The following DYRK3 variants were observed in gnomAD, a reference collection of about 807,000 sequenced individuals.
DYRK3 encodes the protein dual specificity tyrosine-phosphorylation-regulated kinase 3.
In DYRK3, 30 loss-of-function variants were observed where a neutral mutation model predicts 40.8. The observed-to-expected ratio is 0.74, with a 90% CI of 0.55 to 1.00. The LOEUF (loss-of-function observed/expected upper bound fraction) is 1.00. Among genes scored for constraint, DYRK3 ranks in the 50% least tolerant of loss-of-function variants. DYRK3 has a pLI of 0.00. For missense variants in DYRK3, 699 were observed against 731.5 expected, an observed-to-expected ratio of 0.96 and a Z score of 0.51; for synonymous variants, 272 against 260.7, an observed-to-expected ratio of 1.04 and a Z score of -0.42.
rs868941561 is a variant in DYRK3, at chr1:206,640,271, T to A, written c.189+2510T>A. 2.6e-5 allele frequency among the ~76,000 whole-genome samples: 4 copies of A among 152,126 alleles called. No individual in the cohort carries two copies. In the South Asian group the frequency reaches 8.3e-4, roughly 31 times the overall value. ...ATTTTGCTGAAAAAGAAAATAAAAATAAAAAATGCCTTTTGACCTCTTGGT... is the reference window on the plus strand; with the variant it reads ...ATTTTGCTGAAAAAGAAAATAAAAAAAAAAAATGCCTTTTGACCTCTTGGT... On this transcript the variant is annotated intron_variant, in intron 2 of 2. Transcript: ENST00000367109.
intron 2 of DYRK3, among the ~76,000 whole-genome samples, chr1:206,642,870 C>T (rs1446741653): frequency 6.6e-6 from 1 of 151,856 alleles, no homozygotes; most frequent in Non-Finnish European, 1.5e-5. Flanking sequence ...CACATGTATA[C>T]ATATGTAACA....
At position 206,647,427 on chromosome 1, in the gene DYRK3, T is replaced by C; in HGVS notation, c.229T>C (p.Phe77Leu). ...EQFTGDHTQH[F>L]LDGGEMKVEQ... is the part of the protein sequence containing the mutation. ...GTTTACAGGAGATCATACTCAGCAC[T>C]TTTTGGATGGAGGTGAGATGAAGGT... The change falls in exon 3 of 3, where the codon TTT (phenylalanine) becomes CTT (leucine). Residue 77 changes from phenylalanine (F) to leucine (L), a missense_variant. Coordinates refer to ENST00000367109, the MANE Select transcript of DYRK3 (RefSeq NM_003582.4). 6.2e-7 allele frequency: 1 copy of C among 1,613,780 alleles called. No homozygotes were observed. Among genetic ancestry groups the C allele is most frequent in the Non-Finnish European group, 8.5e-7 (1 of 1,179,810 alleles).
At position 206,645,638 on chromosome 1, in the gene DYRK3, C is replaced by G. The variant is rs1671429787; in HGVS notation, c.190-1750C>G. ...AAGCGATTCTCCTGCCTCAGCCTCC[C>G]AAGTAGCTGGGATTACAGGCATGCA... On this transcript the variant is annotated intron_variant, in intron 2 of 2. Coordinates refer to ENST00000367109, the MANE Select transcript of DYRK3 (RefSeq NM_003582.4). 2.0e-5 allele frequency among the ~76,000 whole-genome samples: 3 copies of G among 151,752 alleles called. No homozygotes were observed. The South Asian group carries it at 6.2e-4, about 32-fold the overall frequency.
chr1:206,643,987 C>T (rs1447871922), intron 2 of DYRK3, among the ~76,000 whole-genome samples: 1 of 142,094 alleles, frequency 7.0e-6, no homozygotes, highest in Middle Eastern at 3.4e-3. Flanking sequence ...CCACATCTTA[C>T]AGATAAAGAA....
chr1:206,639,467 T>G (rs1671216075), intron 2 of DYRK3, among the ~76,000 whole-genome samples: 1 of 140,286 alleles, frequency 7.1e-6, no homozygotes, highest in Non-Finnish European at 1.5e-5. Flanking sequence ...TTTAACTGAT[T>G]TTTTTTTTTT....
rs567478333 is a variant in DYRK3, at chr1:206,649,699, C to T, written c.*734C>T. ...TCCCTCCTCCTTTCCTCTCCCATGC[C>T]CAAGGAAGATAAAACAGCTTCTCTG... On this transcript the variant is annotated 3_prime_UTR_variant, in exon 3 of 3. Coordinates refer to ENST00000367109, the MANE Select transcript of DYRK3 (RefSeq NM_003582.4). Among the ~76,000 whole-genome samples, 1 of 152,276 alleles carries T rather than the reference C, an allele frequency of 6.6e-6. No individual in the cohort carries two copies. The highest frequency in any genetic ancestry group is 2.4e-5 in the African/African-American group (1 of 41,556).
At chr1:206,635,949 C>G in intron 1 of DYRK3, 169 bp downstream of exon 1, 1 of 1,322,244 alleles carries the variant, frequency 7.6e-7, no homozygotes, top group Middle Eastern at 2.3e-4. Context: ...TATCAGGGCC[C>G]CCTCCCCCCA....
chr1:206,649,984 A>G lies in DYRK3; in HGVS notation c.*1019A>G, dbSNP rs1227254328. Among the ~76,000 whole-genome samples, 1 of 152,228 alleles carries G rather than the reference A, an allele frequency of 6.6e-6. No homozygotes were observed. The highest frequency in any genetic ancestry group is 1.5e-5 in the Non-Finnish European group (1 of 68,036). On this transcript the variant is annotated 3_prime_UTR_variant, in exon 3 of 3. Coordinates refer to ENST00000367109, the MANE Select transcript of DYRK3 (RefSeq NM_003582.4). ...TAATGCTATTCCCTAGATCTGAGTGAACTTCAGTTAGAAGAAGAAAACTAA... is the reference window on the plus strand; with the variant it reads ...TAATGCTATTCCCTAGATCTGAGTGGACTTCAGTTAGAAGAAGAAAACTAA...
Position 206,651,049 on chromosome 1 carries a change from A to G in DYRK3, c.*2084A>G, listed in dbSNP as rs1553421235. On this transcript the variant is annotated 3_prime_UTR_variant, in exon 3 of 3. Transcript: ENST00000367109. ...TGCTGAATTTTCTTTCTTTTTTTCTAAGTCTGCATCCTATCTCTTGATTCC... is the reference window on the plus strand; with the variant it reads ...TGCTGAATTTTCTTTCTTTTTTTCTGAGTCTGCATCCTATCTCTTGATTCC... Among the ~76,000 whole-genome samples, 3 of 152,242 alleles carry G rather than the reference A, an allele frequency of 2.0e-5. No homozygotes were observed. Among genetic ancestry groups the G allele is most frequent in the Admixed American group, 6.5e-5 (1 of 15,296 alleles).
At chr1:206,641,715 G>T (rs967704345) in intron 2 of DYRK3, among the ~76,000 whole-genome samples, 11 of 150,344 alleles carry the variant, frequency 7.3e-5, no homozygotes, top group Non-Finnish European at 1.5e-4. Context: ...TGGGAAAACT[G>T]GCTAGCCATA....
rs148421967 is a variant in DYRK3 at position 206,637,263 on chromosome 1, A to G, written c.78-387A>G. Among the ~76,000 whole-genome samples the G allele has an allele frequency of 9.0e-3, 1,364 of 152,322 alleles. 25 individuals carry two copies. The highest frequency in any genetic ancestry group is 0.031 in the African/African-American group (1,302 of 41,568). ...GTGTTAGAGCTGAGATTAGAATCCA[A>G]GTCTCTGACTTGAGAAACTATTACC... On this transcript the variant is annotated intron_variant, in intron 1 of 2. Transcript: ENST00000367109.
chr1:206,648,659 G>T lies in DYRK3; in HGVS notation c.1461G>T (p.Leu487=). The T allele has an allele frequency of 6.2e-7, 1 of 1,614,006 alleles. No homozygotes were observed. Among genetic ancestry groups the T allele is most frequent in the Non-Finnish European group, 8.5e-7 (1 of 1,179,942 alleles). The part of the protein sequence containing the change: ...PPGSKDWGTA[L]KGCDDYLFIE... Reference sequence around the variant, plus strand: ...GCAGCAAAGACTGGGGGACAGCACTGAAAGGGTGTGATGACTACTTGTTTA... The same window carrying T: ...GCAGCAAAGACTGGGGGACAGCACTTAAAGGGTGTGATGACTACTTGTTTA... The change falls in exon 3 of 3, where the codon CTG becomes CTT. Residue 487 remains leucine, a synonymous_variant. Transcript: ENST00000367109.
rs1177382122 is a variant in DYRK3, at chr1:206,653,229, G to C, written c.*4264G>C. Among the ~76,000 whole-genome samples the C allele has an allele frequency of 6.6e-6, 1 of 152,062 alleles. No homozygotes were observed. The highest frequency in any genetic ancestry group is 1.5e-5 in the Non-Finnish European group (1 of 68,012). On this transcript the variant is annotated 3_prime_UTR_variant, in exon 3 of 3. Transcript: ENST00000367109. The stretch of plus-strand genomic sequence containing the variant: ...GAGGGGGTTTCACCATGTTGCTCGG[G>C]CTGGTCTTGAACTCCTGGGCTCAAG...
chr1:206,637,548 T>C (rs926509448), intron 1 of DYRK3, 102 bp from the exon 2 acceptor site: 2 of 750,376 alleles, frequency 2.7e-6, no homozygotes, highest in Non-Finnish European at 4.3e-6. Context: ...TGTAGACATT[T>C]ATTTCTATTA....
chr1:206,644,887 T>C (rs1558557495), intron 2 of DYRK3, among the ~76,000 whole-genome samples: 1 of 152,196 alleles, frequency 6.6e-6, no homozygotes, highest in African/African-American at 2.4e-5. Flanking sequence ...TGACCAGTGA[T>C]AGTTTTCTAT....
intron 2 of DYRK3, among the ~76,000 whole-genome samples, chr1:206,638,768 C>T (rs886348701): frequency 2.0e-5 from 3 of 151,678 alleles, no homozygotes; most frequent in Non-Finnish European, 2.9e-5. Flanking sequence ...TTCTCTTTCA[C>T]GTTTCTGTGT....
intron 2 of DYRK3, among the ~76,000 whole-genome samples, chr1:206,644,901 G>C (rs1671406395): frequency 6.6e-6 from 1 of 152,078 alleles, no homozygotes; most frequent in African/African-American, 2.4e-5. Context: ...TTTCTATTTT[G>C]GTATCAGAGA....
rs782184680 is a variant in DYRK3, at chr1:206,648,040, G to A, written c.842G>A (p.Arg281Gln). The change falls in exon 3 of 3, where the codon CGG becomes CAG. Residue 281 changes from arginine to glutamine, a missense_variant. By Grantham distance (43) the Arg-to-Gln change is conservative. Coordinates refer to ENST00000367109, the MANE Select transcript of DYRK3 (RefSeq NM_003582.4). The stretch of plus-strand genomic sequence containing the variant: ...CACATGCTGGAAAGTTTCACATTCC[G>A]GAACCATGTTTGCATGGCCTTTGAA... ...VIHMLESFTF[R>Q]NHVCMAFELL... The A allele has an allele frequency of 9.9e-6, 16 of 1,613,954 alleles. No homozygotes were observed. The highest frequency in any genetic ancestry group is 3.3e-5 in the Admixed American group (2 of 59,984).
Position 206,652,744 on chromosome 1 carries a change from C to T in DYRK3, c.*3779C>T, listed in dbSNP as rs1244975561. On this transcript the variant is annotated 3_prime_UTR_variant, in exon 3 of 3. Coordinates refer to ENST00000367109, the MANE Select transcript of DYRK3 (RefSeq NM_003582.4). ...TTTTAGAGGCAGTAACTCTATGCCA[C>T]CTTATTGGCCACTGTTAAAAGTTTC... 1.3e-5 allele frequency among the ~76,000 whole-genome samples: 2 copies of T among 152,154 alleles called. No homozygotes were observed. Among genetic ancestry groups the T allele is most frequent in the Non-Finnish European group, 2.9e-5 (2 of 68,020 alleles).
Sources: gnomAD v4.1 joint callset for allele counts (sites outside exome capture counted in the v4.1 genomes callset) on GRCh38, gnomAD v4.1.1 for gene constraint, MANE v1.5 for transcripts, NCBI Gene and HGNC (gene_info 2026-07-23, HGNC 2026-07-21) for gene names.